The following BCAS1 variants were observed in gnomAD, a reference collection of about 807,000 sequenced individuals.
BCAS1 encodes breast carcinoma-amplified sequence 1.
BCAS1 carries 46 observed loss-of-function variants against 65.4 expected under a neutral mutation model. The ratio of observed to expected loss-of-function variants is 0.70; its 90% CI spans 0.55 to 0.90. The LOEUF (loss-of-function observed/expected upper bound fraction) is 0.90. BCAS1 is among the 40% of genes least tolerant of loss of function. The probability of loss-of-function intolerance (pLI) is 0.00; values close to 1 mark genes in which losing one functional copy is unlikely to be tolerated. For missense variants in BCAS1, 793 were observed against 771.2 expected (o/e 1.03, Z -0.33); for synonymous variants, 298 against 293.5 (o/e 1.02, Z -0.16).
chr20:53,951,297 A>T (rs894372730), intron 12 of BCAS1, among the ~76,000 whole-genome samples: 1 of 151,994 alleles, frequency 6.6e-6, no homozygotes, highest in African/African-American at 2.4e-5. Context: ...ACATGGAGAA[A>T]CCCGTCTCTA....
At chr20:54,000,970 C>A (rs1253166946) in intron 4 of BCAS1, among the ~76,000 whole-genome samples, 6 of 152,218 alleles carry the variant, frequency 3.9e-5, no homozygotes, top group African/African-American at 9.6e-5. Flanking sequence ...TTTCTCTTCA[C>A]ATCATGAGTT....
At chr20:53,974,912 C>T (rs768288996) in intron 9 of BCAS1, among the ~76,000 whole-genome samples, 25 of 152,268 alleles carry the variant, frequency 1.6e-4, no homozygotes, top group Non-Finnish European at 2.2e-4. Flanking sequence ...GTCAAGTCAG[C>T]GCTCTAACCT....
At chr20:54,056,238 TACACACAC>T (rs147707061) in intron 3 of BCAS1, among the ~76,000 whole-genome samples, 3 of 149,462 alleles carry the variant, frequency 2.0e-5, no homozygotes, top group Non-Finnish European at 4.5e-5. Context: ...TATATACACA[TACACACAC>T]ACACACACAC....
intron 9 of BCAS1, among the ~76,000 whole-genome samples, chr20:53,970,080 A>T (rs1305873874): frequency 1.3e-5 from 2 of 150,798 alleles, no homozygotes. Flanking sequence ...TCTTTGAGGC[A>T]GTGAGTTCTT....
chr20:53,996,064 A>C lies in BCAS1; in HGVS notation c.724-14T>G, dbSNP rs745601564. 1.2e-4 allele frequency: 183 copies of C among 1,561,002 alleles called. No individual in the cohort carries two copies. The East Asian group carries it at 4.1e-3, about 35-fold the overall frequency. ...GTCAACTATGTCCTAGGGGCAAAAC[A>C]GTTGTCACAGTTGCCACTTGCTGAA... On this transcript the variant is annotated splice_polypyrimidine_tract_variant and intron_variant, in intron 4 of 12. Transcript: ENST00000688948.
chr20:54,041,911 A>ACCC (rs2092005786), intron 3 of BCAS1, among the ~76,000 whole-genome samples: 8 of 140,828 alleles, frequency 5.7e-5, no homozygotes, highest in African/African-American at 2.2e-4. Context: ...GTCTCCCCCA[A>ACCC]AAAAAAAAAA....
intron 4 of BCAS1, among the ~76,000 whole-genome samples, chr20:54,004,788 AC>A: frequency 6.6e-6 from 1 of 152,332 alleles, no homozygotes; most frequent in East Asian, 1.9e-4. Context: ...CAATGTGACT[AC>A]ATACAAGCTG....
At chr20:53,948,588 C>T (rs909246666) in intron 12 of BCAS1, among the ~76,000 whole-genome samples, 5 of 152,172 alleles carry the variant, frequency 3.3e-5, no homozygotes, top group African/African-American at 9.7e-5. Flanking sequence ...TACACATGCC[C>T]TTCTGGCCTC....
intron 9 of BCAS1, among the ~76,000 whole-genome samples, chr20:53,970,170 A>G (rs1225654327): frequency 6.6e-6 from 1 of 152,260 alleles, no homozygotes; most frequent in Non-Finnish European, 1.5e-5. Flanking sequence ...CTGTAAATCA[A>G]TTCTATTTGG....
chr20:54,055,209 G>A lies in BCAS1; in HGVS notation c.142+2876C>T, dbSNP rs183851247. On this transcript the variant is annotated intron_variant, in intron 3 of 12. Coordinates refer to ENST00000688948, the MANE Select transcript of BCAS1 (RefSeq NM_001366298.2). Reference sequence around the variant, plus strand: ...GGACAAAATGAGAATGTAAACTGGCGTAGTCATTATGGGAAATAGTATGGA... The same window carrying A: ...GGACAAAATGAGAATGTAAACTGGCATAGTCATTATGGGAAATAGTATGGA... Among the ~76,000 whole-genome samples, 35 of 152,236 alleles carry A rather than the reference G, an allele frequency of 2.3e-4. 1 individual carries two copies. Among genetic ancestry groups the A allele is most frequent in the East Asian group, 5.8e-4 (3 of 5,184 alleles).
intron 4 of BCAS1, among the ~76,000 whole-genome samples, chr20:54,001,373 C>G (rs2091050836): frequency 6.6e-6 from 1 of 152,166 alleles, no homozygotes; most frequent in Admixed American, 6.5e-5. Flanking sequence ...CCCCTTTATT[C>G]TTGGGGACCA....
intron 12 of BCAS1, among the ~76,000 whole-genome samples, chr20:53,949,033 C>T (rs923790509): frequency 4.6e-5 from 7 of 152,078 alleles, no homozygotes; most frequent in South Asian, 4.1e-4. Context: ...CTGCAGATTG[C>T]GCTGCACACA....
intron 4 of BCAS1, among the ~76,000 whole-genome samples, chr20:53,997,492 TCA>T (rs1335390062): frequency 6.6e-6 from 1 of 152,202 alleles, no homozygotes; most frequent in Non-Finnish European, 1.5e-5. Context: ...TGATGGACAT[TCA>T]CAGTGTGTAT....
chr20:54,016,834 G>A (rs1260065473), intron 4 of BCAS1, among the ~76,000 whole-genome samples: 1 of 152,130 alleles, frequency 6.6e-6, no homozygotes, highest in East Asian at 1.9e-4. Context: ...GAAGAGAGAG[G>A]CAATGTTAAT....
intron 4 of BCAS1, among the ~76,000 whole-genome samples, chr20:54,006,797 GA>G (rs751050974): frequency 3.3e-5 from 5 of 152,140 alleles, no homozygotes; most frequent in Non-Finnish European, 7.3e-5. Flanking sequence ...GAAAGATTAG[GA>G]GAGAAATTTT....
intron 1 of BCAS1, among the ~76,000 whole-genome samples, chr20:54,067,569 T>C (rs888820423): frequency 2.0e-5 from 3 of 152,194 alleles, no homozygotes; most frequent in Non-Finnish European, 4.4e-5. Flanking sequence ...TGAATTGGCC[T>C]CCTGGAAGCT....
At chr20:53,955,274 A>G (rs1174988002) in intron 11 of BCAS1, among the ~76,000 whole-genome samples, 1 of 152,226 alleles carries the variant, frequency 6.6e-6, no homozygotes, top group African/African-American at 2.4e-5. Flanking sequence ...AAGAAGCAAC[A>G]GGCATCCAGT....
chr20:53,998,138 G>A (rs6022909), intron 4 of BCAS1, among the ~76,000 whole-genome samples: 19,088 of 152,100 alleles, frequency 0.13, 2,595 homozygotes, highest in African/African-American at 0.34. Context: ...GGGATATGGT[G>A]GCACTGCATT....
chr20:54,041,229 G>A (rs976598623), intron 3 of BCAS1, among the ~76,000 whole-genome samples: 4 of 151,308 alleles, frequency 2.6e-5, no homozygotes, highest in African/African-American at 2.4e-5. Flanking sequence ...GAGTAATGAC[G>A]ATGTTCTGGA....
Sources: allele counts gnomAD v4.1 joint callset (sites outside exome capture counted in the v4.1 genomes callset), GRCh38; gene constraint gnomAD v4.1.1; transcripts MANE v1.5; gene names NCBI Gene and HGNC (gene_info 2026-07-23, HGNC 2026-07-21).